DOCK3: variants seen among roughly 807,000 people sequenced by gnomAD.
DOCK3 encodes the protein dedicator of cytokinesis 3.
Under a neutral mutation model 265.6 loss-of-function variants are expected in DOCK3, and 60 were observed. The ratio of observed to expected loss-of-function variants is 0.23; its 90% CI spans 0.18 to 0.28. The LOEUF (loss-of-function observed/expected upper bound fraction) is 0.28. Among genes scored for constraint, DOCK3 ranks in the 10% least tolerant of loss-of-function variants. The pLI, the probability that DOCK3 is intolerant of heterozygous loss-of-function variation, is 1.00. For synonymous variants in DOCK3, 881 were observed against 938.0 expected (o/e 0.94, Z 1.11); for missense variants, 1,981 against 2,594.3 (o/e 0.76, Z 5.14).
chr3:50,842,511 C>CT (rs1553681227), intron 3 of DOCK3, among the ~76,000 whole-genome samples: 1 of 152,068 alleles, frequency 6.6e-6, no homozygotes, highest in Non-Finnish European at 1.5e-5. Flanking sequence ...TTTAATGCCT[C>CT]CTAGCTGTGG....
chr3:51,189,787 T>C (rs75304768), intron 12 of DOCK3, among the ~76,000 whole-genome samples: 3,598 of 152,322 alleles, frequency 0.024, 57 homozygotes, highest in Middle Eastern at 0.075. Flanking sequence ...AGTTGTGGAA[T>C]TTTTTGATGA....
intron 5 of DOCK3, among the ~76,000 whole-genome samples, chr3:51,047,455 A>T (rs1312658524): frequency 3.6e-5 from 1 of 27,484 alleles, no homozygotes; most frequent in Non-Finnish European, 6.2e-5. Flanking sequence ...AGAGAATGGA[A>T]AACAATAGAA....
At chr3:51,077,675 A>G (rs952677010) in intron 7 of DOCK3, among the ~76,000 whole-genome samples, 1 of 152,222 alleles carries the variant, frequency 6.6e-6, no homozygotes, top group Non-Finnish European at 1.5e-5. Context: ...TAAAAGTGAA[A>G]TGGGAAACCT....
chr3:50,988,368 G>A (rs1442917329), intron 5 of DOCK3, among the ~76,000 whole-genome samples: 1 of 152,164 alleles, frequency 6.6e-6, no homozygotes, highest in Non-Finnish European at 1.5e-5. Flanking sequence ...GGTGTTCTCT[G>A]GCTGACAGAA....
chr3:51,214,421 A>G (rs2089672229), intron 14 of DOCK3, among the ~76,000 whole-genome samples, 174 bp downstream of exon 14: 1 of 152,170 alleles, frequency 6.6e-6, no homozygotes. Context: ...TTTGGCTCTT[A>G]TAGGCATTTG....
chr3:51,294,228 G>A (rs2081947195), intron 27 of DOCK3, among the ~76,000 whole-genome samples: 1 of 152,116 alleles, frequency 6.6e-6, no homozygotes, highest in Admixed American at 6.5e-5. Context: ...TTAACATGTG[G>A]TATATATACA....
At chr3:50,693,462 G>A (rs1232866093) in intron 1 of DOCK3, among the ~76,000 whole-genome samples, 1 of 138,920 alleles carries the variant, frequency 7.2e-6, no homozygotes, top group Admixed American at 7.1e-5. Flanking sequence ...CCTAAGCATT[G>A]TATTTCTTGA....
intron 12 of DOCK3, among the ~76,000 whole-genome samples, chr3:51,186,265 C>T (rs1208834421): frequency 3.3e-5 from 5 of 152,100 alleles, no homozygotes; most frequent in Non-Finnish European, 7.3e-5. Flanking sequence ...AGCAAAGAGA[C>T]CAGCAGCCTT....
chr3:50,742,075 C>T (rs906378788), intron 1 of DOCK3, among the ~76,000 whole-genome samples: 7 of 152,092 alleles, frequency 4.6e-5, no homozygotes, highest in African/African-American at 9.7e-5. Flanking sequence ...AATGTCTTCT[C>T]TTGAGAAGTG....
At chr3:51,000,685 G>T (rs1276423990) in intron 5 of DOCK3, among the ~76,000 whole-genome samples, 2 of 151,632 alleles carry the variant, frequency 1.3e-5, no homozygotes, top group Non-Finnish European at 2.9e-5. Context: ...ATGGAGTCTC[G>T]CTCTGTCTCC....
chr3:51,166,822 G>A (rs534714129), intron 12 of DOCK3, among the ~76,000 whole-genome samples: 63 of 152,092 alleles, frequency 4.1e-4, no homozygotes, highest in African/African-American at 1.5e-3. Context: ...TTGTTTTTAT[G>A]CAATTCAGTT....
chr3:50,771,058 A>G (rs1228204088), intron 1 of DOCK3, among the ~76,000 whole-genome samples: 1 of 152,214 alleles, frequency 6.6e-6, no homozygotes, highest in Non-Finnish European at 1.5e-5. Flanking sequence ...CTTGAGCAAT[A>G]CCTCAAAGCA....
chr3:51,360,460 G>T, intron 46 of DOCK3, 51 bp from the exon 47 acceptor site: 5 of 1,570,504 alleles, frequency 3.2e-6, no homozygotes, highest in Non-Finnish European at 4.3e-6. Flanking sequence ...ACATCCCTTA[G>T]TTACTTATTT....
chr3:50,758,626 T>G (rs893550584), intron 1 of DOCK3, among the ~76,000 whole-genome samples: 2 of 152,156 alleles, frequency 1.3e-5, no homozygotes, highest in African/African-American at 4.8e-5. Context: ...TCTAGAACTT[T>G]TTCATCTTCC....
chr3:50,799,305 A>G (rs2042952142), intron 2 of DOCK3, among the ~76,000 whole-genome samples: 1 of 152,198 alleles, frequency 6.6e-6, no homozygotes, highest in Non-Finnish European at 1.5e-5. Flanking sequence ...TGCTTAGGGT[A>G]GTATGGCCAT....
At chr3:51,194,124 A>AT (rs199754699) in intron 12 of DOCK3, among the ~76,000 whole-genome samples, 155 of 150,678 alleles carry the variant, frequency 1.0e-3, no homozygotes, top group Non-Finnish European at 1.8e-3. Context: ...TTATTTTGAG[A>AT]TTTTTTTTTA....
chr3:51,337,000 C>T, intron 35 of DOCK3: 1 of 417,654 alleles, frequency 2.4e-6, no homozygotes, highest in South Asian at 1.7e-5. Context: ...AGCCTCACTC[C>T]TCGAAAAGTC....
intron 14 of DOCK3, 98 bp from the exon 15 acceptor site, chr3:51,225,551 C>T (rs1423992025): frequency 6.7e-7 from 1 of 1,497,826 alleles, no homozygotes; most frequent in Non-Finnish European, 8.9e-7. Context: ...GAACACCCAC[C>T]CAAGCCCCAG....
chr3:51,251,027 A>AC (rs780598558), intron 22 of DOCK3, among the ~76,000 whole-genome samples: 2 of 151,634 alleles, frequency 1.3e-5, no homozygotes, highest in African/African-American at 2.4e-5. Flanking sequence ...CCATCCCCCA[A>AC]CCCCACAACA....
Sources: allele counts gnomAD v4.1 joint callset (sites outside exome capture counted in the v4.1 genomes callset), GRCh38; gene constraint gnomAD v4.1.1; transcripts MANE v1.5; gene names NCBI Gene and HGNC (gene_info 2026-07-23, HGNC 2026-07-21).